LYPD3: variants seen among roughly 807,000 people sequenced by gnomAD.
LYPD3 encodes the protein ly6/PLAUR domain-containing protein 3.
In LYPD3, 22 loss-of-function variants were observed where a neutral mutation model predicts 21.7. The observed-to-expected ratio is 1.01, with a 90% CI of 0.72 to 1.45. The LOEUF is 1.45. Among genes scored for constraint, LYPD3 ranks in the 40% most tolerant of loss-of-function variants. The pLI is 0.00. For synonymous variants in LYPD3, 179 were observed against 203.0 expected, an observed-to-expected ratio of 0.88 and a Z score of 1.00; for missense variants, 471 against 466.9, an observed-to-expected ratio of 1.01 and a Z score of -0.08.
At position 43,463,647 on chromosome 19, in the gene LYPD3, G is replaced by C; in HGVS notation, c.334C>G (p.Arg112Gly). ...FIQLQQCAQD[R>G]CNAKLNLTSR... ...GTGAGGTTGAGCTTGGCGTTGCAGC[G>C]ATCCTGAGCGCATTGCTGCAGCTGG... Residue 112 changes from arginine to glycine, a missense_variant, in exon 3 of 5, where the codon CGC becomes GGC. Physicochemically the swap from Arg to Gly is moderately radical, Grantham distance 125. Transcript: ENST00000244333. 6.2e-7 allele frequency: 1 copy of C among 1,607,246 alleles called. No individual in the cohort carries two copies. Among genetic ancestry groups the C allele is most frequent in the South Asian group, 1.1e-5 (1 of 91,082 alleles).
At position 43,464,377 on chromosome 19, in the gene LYPD3, C is replaced by T. The variant is rs752182898; in HGVS notation, c.159G>A (p.Lys53=). Residue 53 remains lysine (K), a synonymous_variant, in exon 2 of 5, where the codon AAG becomes AAA. Transcript: ENST00000244333. The stretch of plus-strand genomic sequence containing the variant: ...TGCAGACGTCCACGCCCGGCGCGCA[C>T]TTCACTGTCTTCATCTTGTTCGGGG... The part of the protein sequence containing the change: ...GCSPNKMKTV[K]CAPGVDVCTE... 3.4e-5 allele frequency: 55 copies of T among 1,613,960 alleles called. 1 individual carries two copies. The highest frequency in any genetic ancestry group is 4.6e-5 in the Non-Finnish European group (54 of 1,180,040).
In LYPD3 at chr19:43,463,726, T is replaced by C. The variant is rs762247424; in HGVS notation, c.255A>G (p.Gly85=). The part of the protein sequence containing the change: ...FSLAVRGCGS[G]LPGKNDRGLD... Reference sequence around the variant, plus strand: ...GGCCGCGGTCATTCTTGCCGGGGAGTCCCGAACCGCAACCCCGCACTGCCA... The same window carrying C: ...GGCCGCGGTCATTCTTGCCGGGGAGCCCCGAACCGCAACCCCGCACTGCCA... Residue 85 remains glycine (G), a synonymous_variant, in exon 3 of 5, where the codon GGA becomes GGG. Coordinates refer to ENST00000244333, the MANE Select transcript of LYPD3 (RefSeq NM_014400.3). The C allele has an allele frequency of 6.8e-6, 11 of 1,612,890 alleles. 1 individual carries two copies. In the South Asian group the frequency reaches 1.1e-4, roughly 16 times the overall value.
chr19:43,464,775 A>AGAGAACTTTTCCCACAGTGTGTGG (rs911729236), intron 1 of LYPD3, among the ~76,000 whole-genome samples: 2 of 152,122 alleles, frequency 1.3e-5, no homozygotes. Flanking sequence ...GCTCAGAATG[A>AGAGAACTTTTCCCACAGTGTGTGG]GAGAACTTTT....
At position 43,461,964 on chromosome 19, in the gene LYPD3, C is replaced by T. The variant is rs1051968745; in HGVS notation, c.545-117G>A. ...GAACCTGACCGGGCGTGGTGGCTCA[C>T]GCCTGTAATCCCAGCACTTTGGGAA... On this transcript the variant is annotated intron_variant, in intron 4 of 4. Transcript: ENST00000244333. The T allele has an allele frequency of 7.8e-5, 84 of 1,075,374 alleles. No homozygotes were observed. The Admixed American group carries it at 9.7e-4, about 12-fold the overall frequency. The allele number at this position is 1,075,374 out of a possible 1,614,324, so 66.6% of individuals were successfully genotyped here. A position where few individuals can be genotyped will look rare whatever the true frequency, so the allele number is the denominator to read the frequency against.
Position 43,461,381 on chromosome 19 carries a change from C to T in LYPD3, c.1011G>A (p.Leu337=), listed in dbSNP as rs1018697486. Residue 337 remains leucine (L), a synonymous_variant, in exon 5 of 5, where the codon CTG becomes CTA. Coordinates refer to ENST00000244333, the MANE Select transcript of LYPD3 (RefSeq NM_014400.3). ...GTAGGACACCAGCAGCCACGGCCAA[C>T]AGAAGGGCTGCCAATCCAGCTGTGG... is the stretch of plus-strand genomic sequence containing the variant. ...VAPTAGLAAL[L]LAVAAGVLL is the part of the protein sequence containing the mutation. The T allele has an allele frequency of 6.2e-7, 1 of 1,608,964 alleles. No individual in the cohort carries two copies. The highest frequency in any genetic ancestry group is 1.3e-5 in the African/African-American group (1 of 74,736).
intron 1 of LYPD3, among the ~76,000 whole-genome samples, chr19:43,465,269 T>A (rs558935306): frequency 6.6e-6 from 1 of 151,914 alleles, no homozygotes; most frequent in South Asian, 2.1e-4. Context: ...GATAGGAAAA[T>A]TTTGCCCACA....
rs1031207283 is a variant in LYPD3 at position 43,461,522 on chromosome 19, C to T, written c.870G>A (p.Arg290=). The stretch of plus-strand genomic sequence containing the variant: ...CTCCAGTCAACCTGGGCTCCTCATC[C>T]CGGGAGGCCTCGTGTTCTACTCCCT... ...PRQGVEHEAS[R]DEEPRLTGGA... is the part of the protein sequence containing the mutation. The change falls in exon 5 of 5, where the codon CGG becomes CGA. Residue 290 remains arginine (R), a synonymous_variant. Coordinates refer to ENST00000244333, the MANE Select transcript of LYPD3 (RefSeq NM_014400.3). 6.2e-7 allele frequency: 1 copy of T among 1,614,148 alleles called. No homozygotes were observed. The highest frequency in any genetic ancestry group is 2.2e-5 in the East Asian group (1 of 44,870).
rs1373417315 is a variant in LYPD3, at chr19:43,461,141, A to G, written c.*210T>C. On this transcript the variant is annotated 3_prime_UTR_variant, in exon 5 of 5. Transcript: ENST00000244333. ...GAGAAGGATACAGGAGCTGTCCTCA[A>G]AAAGCTAGAACACCCCTGGCAGAAT... is the stretch of plus-strand genomic sequence containing the variant. 3 of 600,748 alleles carry G rather than the reference A, an allele frequency of 5.0e-6. No individual in the cohort carries two copies. Among genetic ancestry groups the G allele is most frequent in the Non-Finnish European group, 8.7e-6 (3 of 346,802 alleles). The allele number at this position is 600,748 out of a possible 1,614,324, so 37.2% of individuals were successfully genotyped here. A position where few individuals can be genotyped will look rare whatever the true frequency, so the allele number is the denominator to read the frequency against.
In LYPD3 at chr19:43,461,081, TAAC is replaced by T; in HGVS notation, c.*267_*269del. 2.2e-6 allele frequency: 1 copy of T among 455,260 alleles called. No homozygotes were observed. The highest frequency in any genetic ancestry group is 1.9e-5 in the African/African-American group (1 of 51,626). The allele number at this position is 455,260 out of a possible 1,614,324, so 28.2% of individuals were successfully genotyped here. A position where few individuals can be genotyped will look rare whatever the true frequency, so the allele number is the denominator to read the frequency against. ...ACAGCTGACTTCTCTCACTCTGTCC[TAAC>T]ATCACAAGAGGACAAGCGGAGAGAC... On this transcript the variant is annotated 3_prime_UTR_variant, in exon 5 of 5. Transcript: ENST00000244333.
intron 2 of LYPD3, chr19:43,464,098 C>G: frequency 1.5e-6 from 1 of 676,658 alleles, no homozygotes; most frequent in African/African-American, 1.8e-5. Flanking sequence ...AACCCGAGCT[C>G]TCCCCGTCCG....
Position 43,464,563 on chromosome 19 carries a change from T to C in LYPD3, c.80-107A>G, listed in dbSNP as rs1970806074. 7.1e-6 allele frequency: 10 copies of C among 1,414,860 alleles called. No individual in the cohort carries two copies. In the South Asian group the frequency reaches 9.6e-5, roughly 14 times the overall value. The allele number at this position is 1,414,860 out of a possible 1,614,324, so 87.6% of individuals were successfully genotyped here. A position where few individuals can be genotyped will look rare whatever the true frequency, so the allele number is the denominator to read the frequency against. On this transcript the variant is annotated intron_variant, in intron 1 of 4. Transcript: ENST00000244333. ...TCTGTCCCGGGATTAGACAGTCTTA[T>C]TGCACACACTTTTCCAGGGCAGGAG...
chr19:43,463,529 G>C (rs1218018279), intron 3 of LYPD3, 70 bp downstream of exon 3: 2 of 1,522,266 alleles, frequency 1.3e-6, no homozygotes, highest in Non-Finnish European at 1.8e-6. Flanking sequence ...CCTCTGCCAC[G>C]GCTCCACCTC....
chr19:43,464,281 G>C, intron 2 of LYPD3, 44 bp downstream of exon 2: 2 of 1,560,976 alleles, frequency 1.3e-6, no homozygotes, highest in Non-Finnish European at 1.7e-6. Flanking sequence ...GGCTGGGCCG[G>C]AGGAGCCTGC....
chr19:43,462,856 A>C (rs1200683287), intron 4 of LYPD3, among the ~76,000 whole-genome samples: 1 of 152,064 alleles, frequency 6.6e-6, no homozygotes, highest in Non-Finnish European at 1.5e-5. Context: ...AGGCTTAAAT[A>C]CCTCTTAAGT....
chr19:43,464,480 C>G, intron 1 of LYPD3, 24 bp from the exon 2 acceptor site: 1 of 1,613,588 alleles, frequency 6.2e-7, no homozygotes, highest in South Asian at 1.1e-5. Flanking sequence ...GCCGAATAGA[C>G]CTGAGCCCTC....
rs773690879 is a variant in LYPD3, at chr19:43,463,608, C to G, written c.373G>C (p.Asp125His). The G allele has an allele frequency of 3.2e-5, 51 of 1,601,042 alleles. No homozygotes were observed. The highest frequency in any genetic ancestry group is 4.2e-5 in the Non-Finnish European group (50 of 1,179,682). ...AKLNLTSRAL[D>H]PAGNESAYPP... ...CCCGGCCCCCACGGACCTGCCGGGTCGAGCGCCCGCGAGGTGAGGTTGAGC... is the reference window on the plus strand; with the variant it reads ...CCCGGCCCCCACGGACCTGCCGGGTGGAGCGCCCGCGAGGTGAGGTTGAGC... Residue 125 changes from aspartate to histidine, a missense_variant, in exon 3 of 5, where the codon GAC (aspartate) becomes CAC (histidine). Transcript: ENST00000244333.
intron 3 of LYPD3, 84 bp downstream of exon 3, chr19:43,463,515 C>CCCGCCTCTGCCACGGCT (rs1314884334): frequency 1.3e-6 from 2 of 1,505,770 alleles, no homozygotes; most frequent in Non-Finnish European, 1.8e-6. Flanking sequence ...GTCGAGTACT[C>CCCGCCTCTGCCACGGCT]CCGCCTCTGC....
intron 2 of LYPD3, 145 bp downstream of exon 2, chr19:43,464,180 T>C: frequency 1.8e-6 from 2 of 1,083,916 alleles, no homozygotes; most frequent in Non-Finnish European, 2.6e-6. Context: ...CCTGCAAGGC[T>C]GTGTCGTAGG....
At chr19:43,464,478 G>C in intron 1 of LYPD3, 22 bp from the exon 2 acceptor site, 8 of 1,613,752 alleles carry the variant, frequency 5.0e-6, no homozygotes, top group Non-Finnish European at 6.8e-6. Flanking sequence ...GAGCCGAATA[G>C]ACCTGAGCCC....
Sources: gnomAD v4.1 joint callset for allele counts (sites outside exome capture counted in the v4.1 genomes callset) on GRCh38, gnomAD v4.1.1 for gene constraint, MANE v1.5 for transcripts, NCBI Gene and HGNC (gene_info 2026-07-23, HGNC 2026-07-21) for gene names.